MRPS24: variants seen among roughly 807,000 people sequenced by gnomAD.
MRPS24 encodes small ribosomal subunit protein uS3m.
A neutral mutation model predicts 21.8 loss-of-function variants in MRPS24; 15 were observed. The ratio of observed to expected loss-of-function variants is 0.69; its 90% CI spans 0.46 to 1.06. The LOEUF (loss-of-function observed/expected upper bound fraction) is 1.06, where lower values mean the gene tolerates loss of function less well. MRPS24 is among the 50% of genes least tolerant of loss of function. MRPS24 has a pLI of 0.00. For synonymous variants in MRPS24, 93 were observed against 93.7 expected, an observed-to-expected ratio of 0.99 and a Z score of 0.04; for missense variants, 224 against 219.1, an observed-to-expected ratio of 1.02 and a Z score of -0.14.
At position 43,869,243 on chromosome 7, in the gene MRPS24, C is replaced by T. The variant is rs955342734; in HGVS notation, c.108+65G>A. The T allele has an allele frequency of 6.0e-6, 9 of 1,487,712 alleles. No homozygotes were observed. The highest frequency in any genetic ancestry group is 8.0e-6 in the Non-Finnish European group (9 of 1,123,592). 92.2% of individuals were successfully genotyped at this position (1,487,712 alleles called of 1,614,324 possible). The stretch of plus-strand genomic sequence containing the variant: ...AGCGACACGCCCCCTTCAGCCCGCA[C>T]GGCTTCCCCGGCCCCCGGCCCCCCG... On this transcript the variant is annotated intron_variant, in intron 2 of 3. Coordinates refer to ENST00000317534, the MANE Select transcript of MRPS24 (RefSeq NM_032014.3). The surrounding 1 kb of genome is among the most constrained non-coding windows in gnomAD (Gnocchi z 4.8).
intron 3 of MRPS24, chr7:43,867,914 T>G (rs2095837674): frequency 6.6e-6 from 1 of 152,190 alleles, no homozygotes; most frequent in East Asian, 1.9e-4. Flanking sequence ...TGGTTATCAA[T>G]TGTTCACAAT....
rs1386913933 is a variant in MRPS24 at position 43,866,760 on chromosome 7, T to G, written c.443A>C (p.Lys148Thr). ...TTGGAGGTGGAGTCGCACAGGACAT[T>G]TGTAAAAGTAGGACAGCAAAGTTTC... ...YSETLLSYFY[K>T]CPVRLHLQTV... The change falls in exon 4 of 4, where the codon AAA becomes ACA. Residue 148 changes from lysine to threonine, a missense_variant. Coordinates refer to ENST00000317534, the MANE Select transcript of MRPS24 (RefSeq NM_032014.3). 6 of 1,614,126 alleles carry G rather than the reference T, an allele frequency of 3.7e-6. No homozygotes were observed. The highest frequency in any genetic ancestry group is 4.2e-6 in the Non-Finnish European group (5 of 1,180,018).
chr7:43,869,207 C>T lies in MRPS24; in HGVS notation c.108+101G>A. Reference sequence around the variant, plus strand: ...TCCCTAAGCCCCGACCCTAGCCCCGCCTCGGACCCCAGCGACACGCCCCCT... The same window carrying T: ...TCCCTAAGCCCCGACCCTAGCCCCGTCTCGGACCCCAGCGACACGCCCCCT... On this transcript the variant is annotated intron_variant, in intron 2 of 3. Coordinates refer to ENST00000317534, the MANE Select transcript of MRPS24 (RefSeq NM_032014.3). This position sits in a 1 kb window ranked among gnomAD's most constrained non-coding sequence, Gnocchi z 4.8. 1 of 1,469,984 alleles carries T rather than the reference C, an allele frequency of 6.8e-7. No homozygotes were observed. Among genetic ancestry groups the T allele is most frequent in the Admixed American group, 2.3e-5 (1 of 42,584 alleles). The allele number at this position is 1,469,984 out of a possible 1,614,324, so 91.1% of individuals were successfully genotyped here.
chr7:43,869,275 A>G lies in MRPS24; in HGVS notation c.108+33T>C. The G allele has an allele frequency of 4.8e-6, 3 of 626,170 alleles. No homozygotes were observed. The highest frequency in any genetic ancestry group is 5.6e-5 in the South Asian group (2 of 35,598). 38.8% of individuals were successfully genotyped at this position (626,170 alleles called of 1,614,324 possible). A position where few individuals can be genotyped will look rare whatever the true frequency, so the allele number is the denominator to read the frequency against. ...CCCGGCCCCCGGCCCCCCGGCCCCCAGGCCCCCAGGCCCCTGCCCCGGCGG... is the reference window on the plus strand; with the variant it reads ...CCCGGCCCCCGGCCCCCCGGCCCCCGGGCCCCCAGGCCCCTGCCCCGGCGG... On this transcript the variant is annotated intron_variant, in intron 2 of 3. Transcript: ENST00000317534. The surrounding 1 kb of genome is among the most constrained non-coding windows in gnomAD (Gnocchi z 4.8).
In MRPS24 at chr7:43,869,194, G is replaced by C; in HGVS notation, c.108+114C>G. On this transcript the variant is annotated intron_variant, in intron 2 of 3. Transcript: ENST00000317534. This position sits in a 1 kb window ranked among gnomAD's most constrained non-coding sequence, Gnocchi z 4.8. Reference sequence around the variant, plus strand: ...CCCAATCCCCTGATCCCTAAGCCCCGACCCTAGCCCCGCCTCGGACCCCAG... The same window carrying C: ...CCCAATCCCCTGATCCCTAAGCCCCCACCCTAGCCCCGCCTCGGACCCCAG... 1 of 1,451,396 alleles carries C rather than the reference G, an allele frequency of 6.9e-7. No homozygotes were observed. The highest frequency in any genetic ancestry group is 2.5e-5 in the East Asian group (1 of 39,454). The allele number at this position is 1,451,396 out of a possible 1,614,324, so 89.9% of individuals were successfully genotyped here.
Position 43,869,135 on chromosome 7 carries a change from A to G in MRPS24, c.109-61T>C. The G allele has an allele frequency of 1.2e-5, 18 of 1,549,276 alleles. No individual in the cohort carries two copies. The highest frequency in any genetic ancestry group is 1.9e-4 in the Middle Eastern group (1 of 5,400). ...CCGATCCAGACCCCTACTTCGCGCCATGTCCCCCCAGTCAGCTGGCACTGT... is the reference window on the plus strand; with the variant it reads ...CCGATCCAGACCCCTACTTCGCGCCGTGTCCCCCCAGTCAGCTGGCACTGT... On this transcript the variant is annotated intron_variant, in intron 2 of 3. Transcript: ENST00000317534. This position sits in a 1 kb window ranked among gnomAD's most constrained non-coding sequence, Gnocchi z 4.8.
rs2095838713 is a variant in MRPS24, at chr7:43,869,107, T to C, written c.109-33A>G. On this transcript the variant is annotated intron_variant, in intron 2 of 3. Transcript: ENST00000317534. This position sits in a 1 kb window ranked among gnomAD's most constrained non-coding sequence, Gnocchi z 4.8. ...CAAAAGGGGCCGTGACTCCACGAGA[T>C]CCCCGATCCAGACCCCTACTTCGCG... The C allele has an allele frequency of 6.2e-7, 1 of 1,600,906 alleles. No individual in the cohort carries two copies. The highest frequency in any genetic ancestry group is 1.7e-5 in the Admixed American group (1 of 59,426).
rs1313418923 is a variant in MRPS24, at chr7:43,869,259, CGGCCCCCCGGCCCCCA to C, written c.108+33_108+48del. 3 of 1,448,242 alleles carry C rather than the reference CGGCCCCCCGGCCCCCA, an allele frequency of 2.1e-6. No individual in the cohort carries two copies. Among genetic ancestry groups the C allele is most frequent in the South Asian group, 2.7e-5 (2 of 73,666 alleles). 89.7% of individuals were successfully genotyped at this position (1,448,242 alleles called of 1,614,324 possible). On this transcript the variant is annotated intron_variant, in intron 2 of 3. Transcript: ENST00000317534. This position sits in a 1 kb window ranked among gnomAD's most constrained non-coding sequence, Gnocchi z 4.8. Reference sequence around the variant, plus strand: ...CAGCCCGCACGGCTTCCCCGGCCCCCGGCCCCCCGGCCCCCAGGCCCCCAGGCCCCTGCCCCGGCGG... The same window carrying C: ...CAGCCCGCACGGCTTCCCCGGCCCCCGGCCCCCAGGCCCCTGCCCCGGCGG...
chr7:43,866,632 C>T lies in MRPS24; in HGVS notation c.*67G>A, dbSNP rs1047440069. ...CCTCTGAGGGGATGCATTTCCCCCA[C>T]ATACCATTCCTTTCCCACGTTTCCA... On this transcript the variant is annotated 3_prime_UTR_variant, in exon 4 of 4. Coordinates refer to ENST00000317534, the MANE Select transcript of MRPS24 (RefSeq NM_032014.3). 6.4e-7 allele frequency: 1 copy of T among 1,557,244 alleles called. No homozygotes were observed. Among genetic ancestry groups the T allele is most frequent in the Non-Finnish European group, 8.8e-7 (1 of 1,140,444 alleles).
Position 43,869,313 on chromosome 7 carries a change from C to T in MRPS24, c.103G>A (p.Ala35Thr). The T allele has an allele frequency of 6.5e-7, 1 of 1,528,106 alleles. No homozygotes were observed. The highest frequency in any genetic ancestry group is 8.8e-7 in the Non-Finnish European group (1 of 1,138,750). 94.7% of individuals were successfully genotyped at this position (1,528,106 alleles called of 1,614,324 possible). The change falls in exon 2 of 4, where the codon GCC becomes ACC. Residue 35 changes from alanine (A) to threonine (T), a missense_variant. Ala to Thr is a moderately conservative substitution (Grantham distance 58). Coordinates refer to ENST00000317534, the MANE Select transcript of MRPS24 (RefSeq NM_032014.3). The surrounding 1 kb of genome is among the most constrained non-coding windows in gnomAD (Gnocchi z 4.8). The stretch of plus-strand genomic sequence containing the variant: ...CCTGCCCCGGCGGTGCTCACCTTGG[C>T]GCAGACCGGGGAGGTGTGCAGGGCG... ...WRALHTSPVCAKNRAARVRVS... is the reference protein window; with the variant it reads ...WRALHTSPVCTKNRAARVRVS...
rs564112142 is a variant in MRPS24, at chr7:43,869,257, C to T, written c.108+51G>A. ...TTCAGCCCGCACGGCTTCCCCGGCC[C>T]CCGGCCCCCCGGCCCCCAGGCCCCC... On this transcript the variant is annotated intron_variant, in intron 2 of 3. Coordinates refer to ENST00000317534, the MANE Select transcript of MRPS24 (RefSeq NM_032014.3). The surrounding 1 kb of genome is among the most constrained non-coding windows in gnomAD (Gnocchi z 4.8). 45 of 1,442,068 alleles carry T rather than the reference C, an allele frequency of 3.1e-5. No individual in the cohort carries two copies. The highest frequency in any genetic ancestry group is 3.6e-5 in the Non-Finnish European group (39 of 1,090,584). 89.3% of individuals were successfully genotyped at this position (1,442,068 alleles called of 1,614,324 possible).
Position 43,869,239 on chromosome 7 carries a change from C to T in MRPS24, c.108+69G>A, listed in dbSNP as rs10224544. ...CCCCAGCGACACGCCCCCTTCAGCC[C>T]GCACGGCTTCCCCGGCCCCCGGCCC... On this transcript the variant is annotated intron_variant, in intron 2 of 3. Transcript: ENST00000317534. This position sits in a 1 kb window ranked among gnomAD's most constrained non-coding sequence, Gnocchi z 4.8. The T allele has an allele frequency of 8.1e-6, 12 of 1,486,526 alleles. No homozygotes were observed. The East Asian group carries it at 1.5e-4, about 18-fold the overall frequency. The allele number at this position is 1,486,526 out of a possible 1,614,324, so 92.1% of individuals were successfully genotyped here. A position where few individuals can be genotyped will look rare whatever the true frequency, so the allele number is the denominator to read the frequency against.
exon 1 of MRPS24, chr7:43,869,509 GAGCGCGGGACGTACCAC>G (rs1585776343): frequency 1.9e-6 from 3 of 1,562,586 alleles, no homozygotes; most frequent in African/African-American, 1.4e-5. This position sits in a 1 kb window ranked among gnomAD's most constrained non-coding sequence, Gnocchi z 4.8. Flanking sequence ...GGGCCAAGCG[GAGCGCGGGACGTACCAC>G]AGCGCGCTGA....
At position 43,868,956 on chromosome 7, in the gene MRPS24, C is replaced by G. The variant is rs1423127384; in HGVS notation, c.220+7G>C. On this transcript the variant is annotated splice_region_variant and intron_variant, in intron 3 of 3. Coordinates refer to ENST00000317534, the MANE Select transcript of MRPS24 (RefSeq NM_032014.3). ...GTGCTCCTTTTGGAGGCCTGGGGTC[C>G]GCTCACCTGTGTGCAGCGACAGCCA... The G allele has an allele frequency of 6.2e-6, 10 of 1,613,026 alleles. No individual in the cohort carries two copies. The highest frequency in any genetic ancestry group is 8.5e-6 in the Non-Finnish European group (10 of 1,179,564).
rs2095838959 is a variant in MRPS24 at position 43,869,282 on chromosome 7, CAGGCCCCT to C, written c.108+18_108+25del. 1 of 1,528,894 alleles carries C rather than the reference CAGGCCCCT, an allele frequency of 6.5e-7. No homozygotes were observed. The highest frequency in any genetic ancestry group is 8.8e-7 in the Non-Finnish European group (1 of 1,141,284). 94.7% of individuals were successfully genotyped at this position (1,528,894 alleles called of 1,614,324 possible). ...CCCGGCCCCCCGGCCCCCAGGCCCC[CAGGCCCCT>C]GCCCCGGCGGTGCTCACCTTGGCGC... On this transcript the variant is annotated intron_variant, in intron 2 of 3. Transcript: ENST00000317534. This position sits in a 1 kb window ranked among gnomAD's most constrained non-coding sequence, Gnocchi z 4.8.
rs550293938 is a variant in MRPS24 at position 43,869,474 on chromosome 7, C to T, written c.22G>A (p.Gly8Arg). 2.5e-5 allele frequency: 39 copies of T among 1,569,182 alleles called. No individual in the cohort carries two copies. The South Asian group carries it at 3.3e-4, about 13-fold the overall frequency. The change falls in exon 1 of 4, where the codon GGG becomes AGG. Residue 8 changes from glycine to arginine, a missense_variant. By Grantham distance (125) the Gly-to-Arg change is moderately radical (BLOSUM62 -2). Transcript: ENST00000317534. This position sits in a 1 kb window ranked among gnomAD's most constrained non-coding sequence, Gnocchi z 4.8. ...CCACTCACCCGTGGCCCCAGCAACC[C>T]GCTGCACACGGAGGCCGCCATCTTG... Reference protein sequence around the residue: MAASVCSGLLGPRVLSWS... With the variant: MAASVCSRLLGPRVLSWS...
chr7:43,868,918 A>G, intron 3 of MRPS24, 45 bp downstream of exon 3: 1 of 1,599,420 alleles, frequency 6.3e-7, no homozygotes, highest in Non-Finnish European at 8.5e-7. Flanking sequence ...TGTTTACATG[A>G]CAGTCGGATT....
At chr7:43,867,353 A>G (rs971960846) in intron 3 of MRPS24, among the ~76,000 whole-genome samples, 1 of 152,080 alleles carries the variant, frequency 6.6e-6, no homozygotes, top group South Asian at 2.1e-4. Context: ...GCTACCAGCT[A>G]TTTTTGAGAT....
chr7:43,869,120 C>A lies in MRPS24; in HGVS notation c.109-46G>T. ...GACTCCACGAGATCCCCGATCCAGA[C>A]CCCTACTTCGCGCCATGTCCCCCCA... is the stretch of plus-strand genomic sequence containing the variant. On this transcript the variant is annotated intron_variant, in intron 2 of 3. Transcript: ENST00000317534. This position sits in a 1 kb window ranked among gnomAD's most constrained non-coding sequence, Gnocchi z 4.8. 6.3e-7 allele frequency: 1 copy of A among 1,580,736 alleles called. No homozygotes were observed. The highest frequency in any genetic ancestry group is 8.6e-7 in the Non-Finnish European group (1 of 1,166,918).
Sources: gnomAD v4.1 joint callset for allele counts (sites outside exome capture counted in the v4.1 genomes callset) on GRCh38, gnomAD v4.1.1 for gene constraint, Gnocchi (gnomAD v3.1) non-coding constraint, MANE v1.5 for transcripts, NCBI Gene and HGNC (gene_info 2026-07-23, HGNC 2026-07-21) for gene names.